Variants in VDR observed in about 807,000 individuals in gnomAD.
VDR encodes vitamin D3 receptor.
A neutral mutation model predicts 39.7 loss-of-function variants in VDR; 19 were observed. The observed-to-expected ratio is 0.48, with a 90% CI of 0.33 to 0.70. The LOEUF (loss-of-function observed/expected upper bound fraction) is 0.70. Among genes scored for constraint, VDR ranks in the 30% least tolerant of loss-of-function variants. The pLI is 0.02. For synonymous variants in VDR, 242 were observed against 215.8 expected (o/e 1.12, Z -1.07); for missense variants, 442 against 570.5 (o/e 0.77, Z 2.29).
chr12:47,882,726 A>G lies in VDR; in HGVS notation c.-35T>C, dbSNP rs778648582. On this transcript the variant is annotated 5_prime_UTR_variant, in exon 2 of 10. Transcript: ENST00000549336. ...AGCAGGGGGCAGGTAAGTGGAGCCCAGGGGTGCTCTTCTGTGAGGTCTCAC... is the reference window on the plus strand; with the variant it reads ...AGCAGGGGGCAGGTAAGTGGAGCCCGGGGGTGCTCTTCTGTGAGGTCTCAC... The G allele has an allele frequency of 6.8e-7, 1 of 1,479,384 alleles. No homozygotes were observed. Among genetic ancestry groups the G allele is most frequent in the South Asian group, 1.2e-5 (1 of 82,768 alleles). The allele number at this position is 1,479,384 out of a possible 1,614,324, so 91.6% of individuals were successfully genotyped here.
chr12:47,866,579 T>C (rs1473490141), intron 3 of VDR, among the ~76,000 whole-genome samples: 1 of 152,114 alleles, frequency 6.6e-6, no homozygotes, highest in Non-Finnish European at 1.5e-5. Flanking sequence ...GCCCAAACCA[T>C]AGCTCTAGAC....
At chr12:47,869,265 G>A (rs558751969) in intron 3 of VDR, among the ~76,000 whole-genome samples, 23 of 152,282 alleles carry the variant, frequency 1.5e-4, no homozygotes, top group Non-Finnish European at 1.2e-4. Context: ...GGCCGGGCGC[G>A]GTGGCTCACA....
chr12:47,845,261 T>A (rs1248652188), intron 9 of VDR, among the ~76,000 whole-genome samples: 1 of 151,930 alleles, frequency 6.6e-6, no homozygotes, highest in Admixed American at 6.6e-5. Flanking sequence ...TCCCTGTCCA[T>A]GCTCTGTCCA....
intron 3 of VDR, among the ~76,000 whole-genome samples, chr12:47,869,535 CAAAAAAA>C (rs33940574): frequency 0.022 from 1,510 of 69,016 alleles, 31 homozygotes; most frequent in African/African-American, 0.082. Context: ...GACTCCATCT[CAAAAAAA>C]AAAAAAAAAA....
At chr12:47,898,352 G>A (rs1286291600) in intron 1 of VDR, 1 of 152,198 alleles carries the variant, frequency 6.6e-6, no homozygotes, top group Admixed American at 6.5e-5. Flanking sequence ...TAGAAATGAA[G>A]CCTGTATCAA....
chr12:47,867,441 G>A (rs1945760598), intron 3 of VDR, among the ~76,000 whole-genome samples: 1 of 151,876 alleles, frequency 6.6e-6, no homozygotes. Context: ...GCACAAGTGT[G>A]CACATTTAAG....
intron 7 of VDR, among the ~76,000 whole-genome samples, chr12:47,850,053 G>A (rs1335698731): frequency 1.3e-5 from 2 of 152,116 alleles, no homozygotes; most frequent in African/African-American, 2.4e-5. Flanking sequence ...GTTTCACCAT[G>A]TTGGCCAGGC....
intron 1 of VDR, among the ~76,000 whole-genome samples, chr12:47,900,771 T>C (rs1946543573): frequency 6.6e-6 from 1 of 152,030 alleles, no homozygotes; most frequent in Non-Finnish European, 1.5e-5. Context: ...CAGGTTGTCA[T>C]CAGAAGGCCA....
At chr12:47,856,668 G>C (rs957530181) in intron 6 of VDR, among the ~76,000 whole-genome samples, 5 of 150,578 alleles carry the variant, frequency 3.3e-5, no homozygotes, top group African/African-American at 1.2e-4. Context: ...ATGCCTCCCA[G>C]ACTCTCAGCT....
intron 1 of VDR, among the ~76,000 whole-genome samples, chr12:47,903,368 CTG>C (rs903071886): frequency 6.6e-6 from 1 of 152,218 alleles, no homozygotes; most frequent in Non-Finnish European, 1.5e-5. Flanking sequence ...GCCACGGACT[CTG>C]CAGGGAGGGC....
chr12:47,880,172 C>G (rs976666810), intron 2 of VDR, among the ~76,000 whole-genome samples: 1 of 152,104 alleles, frequency 6.6e-6, no homozygotes, highest in African/African-American at 2.4e-5. Flanking sequence ...CCCTTTGACC[C>G]TAGGCAAAGG....
chr12:47,864,993 C>G, intron 4 of VDR, 54 bp downstream of exon 4: 1 of 1,608,540 alleles, frequency 6.2e-7, no homozygotes, highest in Non-Finnish European at 8.5e-7. Flanking sequence ...GTGGCCAAGG[C>G]CTTTCCCTGA....
At chr12:47,854,768 T>C (rs911130378) in intron 7 of VDR, among the ~76,000 whole-genome samples, 1 of 152,250 alleles carries the variant, frequency 6.6e-6, no homozygotes, top group Admixed American at 6.5e-5. Context: ...AGTGCGGGGA[T>C]GGACTAGCTC....
chr12:47,854,870 C>G (rs2137139950), intron 7 of VDR, among the ~76,000 whole-genome samples: 1 of 152,358 alleles, frequency 6.6e-6, no homozygotes, highest in East Asian at 1.9e-4. Flanking sequence ...TTTCGCAGGT[C>G]TAGGGTAGGG....
chr12:47,866,115 C>CTTTTTTT (rs150398556), intron 3 of VDR, among the ~76,000 whole-genome samples: 1 of 147,264 alleles, frequency 6.8e-6, no homozygotes, highest in Non-Finnish European at 1.5e-5. Flanking sequence ...AGAAAAAACC[C>CTTTTTTT]TTTTTTTTTT....
intron 6 of VDR, 145 bp downstream of exon 6, chr12:47,856,984 G>T: frequency 7.8e-7 from 1 of 1,290,308 alleles, no homozygotes; most frequent in Non-Finnish European, 1.1e-6. Context: ...AGGGGCTGTT[G>T]TGAAGACGCT....
rs537469733 is a variant in VDR at position 47,879,104 on chromosome 12, T to C, written c.10A>G (p.Met4Val). Reference sequence around the variant, plus strand: ...TCAGGCAGGGAAGTGCTGGCCGCCATTGCCTCCATCCCTGTAAGAACAGCA... The same window carrying C: ...TCAGGCAGGGAAGTGCTGGCCGCCACTGCCTCCATCCCTGTAAGAACAGCA... The part of the protein sequence containing the change: MEA[M>V]AASTSLPDPG... Residue 4 changes from methionine to valine, a missense_variant, in exon 3 of 10, where the codon ATG becomes GTG. Physicochemically the swap from Met to Val is conservative, Grantham distance 21 (BLOSUM62 1). Transcript: ENST00000549336. The C allele has an allele frequency of 1.1e-5, 18 of 1,613,912 alleles. No individual in the cohort carries two copies. The East Asian group carries it at 1.6e-4, about 14-fold the overall frequency.
intron 3 of VDR, among the ~76,000 whole-genome samples, chr12:47,873,608 G>A (rs772004760): frequency 5.3e-5 from 8 of 151,852 alleles, no homozygotes; most frequent in South Asian, 4.2e-4. Context: ...TGATCCGCCC[G>A]CCTCGGCCTC....
chr12:47,900,454 G>A (rs1448926110), intron 1 of VDR, among the ~76,000 whole-genome samples: 1 of 152,204 alleles, frequency 6.6e-6, no homozygotes, highest in African/African-American at 2.4e-5. Flanking sequence ...CTGCAAACCT[G>A]AGAGGGAGTC....
Sources: allele counts gnomAD v4.1 joint callset (sites outside exome capture counted in the v4.1 genomes callset), GRCh38; gene constraint gnomAD v4.1.1; transcripts MANE v1.5; gene names NCBI Gene and HGNC (gene_info 2026-07-23, HGNC 2026-07-21).